The following ZFYVE9 variants were observed in gnomAD, a reference collection of about 807,000 sequenced individuals.
The protein encoded by ZFYVE9 is zinc finger FYVE domain-containing protein 9.
Under a neutral mutation model 126.7 loss-of-function variants are expected in ZFYVE9, and 43 were observed. The observed-to-expected ratio is 0.34, with a 90% CI of 0.27 to 0.44. ZFYVE9 has a LOEUF of 0.44. ZFYVE9 is among the 20% of genes least tolerant of loss of function. ZFYVE9 has a pLI of 1.00. For missense variants in ZFYVE9, 1,476 were observed against 1,697.0 expected, an observed-to-expected ratio of 0.87 and a Z score of 2.29; for synonymous variants, 521 against 597.4, an observed-to-expected ratio of 0.87 and a Z score of 1.87.
chr1:52,222,902 A>G (rs1209534557), intron 2 of ZFYVE9, among the ~76,000 whole-genome samples: 1 of 152,236 alleles, frequency 6.6e-6, no homozygotes, highest in Non-Finnish European at 1.5e-5. Flanking sequence ...GGGAATTAAT[A>G]AGAACTTAGT....
chr1:52,281,552 G>A, intron 9 of ZFYVE9, 109 bp from the exon 10 acceptor site: 2 of 1,237,420 alleles, frequency 1.6e-6, no homozygotes, highest in South Asian at 2.9e-5. Flanking sequence ...GACTCAGTGT[G>A]ATCTATTTTA....
At chr1:52,286,154 C>CT (rs1286797817) in intron 10 of ZFYVE9, among the ~76,000 whole-genome samples, 1 of 147,174 alleles carries the variant, frequency 6.8e-6, no homozygotes, top group Non-Finnish European at 1.5e-5. Flanking sequence ...GAGACTCTGT[C>CT]TCAAAAAAAA....
At chr1:52,318,462 A>G (rs1018033098) in intron 13 of ZFYVE9, among the ~76,000 whole-genome samples, 13 of 151,524 alleles carry the variant, frequency 8.6e-5, no homozygotes, top group African/African-American at 2.4e-4. Flanking sequence ...ATGATTATCT[A>G]TGAAAAATCT....
At chr1:52,316,165 CAAA>C (rs367815611) in intron 13 of ZFYVE9, among the ~76,000 whole-genome samples, 18 of 39,216 alleles carry the variant, frequency 4.6e-4, no homozygotes, top group African/African-American at 1.8e-3. Context: ...AACTCCATCT[CAAA>C]AAAAAAAAAA....
At chr1:52,342,470 C>T (rs1281860237) in intron 17 of ZFYVE9, among the ~76,000 whole-genome samples, 1 of 151,156 alleles carries the variant, frequency 6.6e-6, no homozygotes, top group South Asian at 2.1e-4. Context: ...TGAGGTTTCA[C>T]CGTGTTAGCC....
intron 1 of ZFYVE9, among the ~76,000 whole-genome samples, chr1:52,186,100 C>T (rs1382829852): frequency 6.6e-6 from 1 of 151,384 alleles, no homozygotes; most frequent in Non-Finnish European, 1.5e-5. Flanking sequence ...ATTAGCTGGG[C>T]TTGGTGGCAG....
intron 7 of ZFYVE9, among the ~76,000 whole-genome samples, chr1:52,271,791 C>G (rs1281585505): frequency 6.6e-6 from 1 of 152,056 alleles, no homozygotes. Context: ...AAACTTTGTC[C>G]TAAGTAGAGA....
intron 1 of ZFYVE9, among the ~76,000 whole-genome samples, chr1:52,158,525 GTAA>G (rs1557428807): frequency 6.6e-6 from 1 of 152,184 alleles, no homozygotes; most frequent in African/African-American, 2.4e-5. Flanking sequence ...CCATCTATCC[GTAA>G]CCTGTCTATC....
intron 4 of ZFYVE9, among the ~76,000 whole-genome samples, chr1:52,259,313 C>T (rs558700781): frequency 3.4e-4 from 52 of 152,044 alleles, no homozygotes; most frequent in Non-Finnish European, 1.5e-4. Context: ...CAAATAAGGT[C>T]ACATTCTAAG....
intron 2 of ZFYVE9, among the ~76,000 whole-genome samples, chr1:52,231,045 A>G (rs937307709): frequency 6.6e-6 from 1 of 152,346 alleles, no homozygotes; most frequent in East Asian, 1.9e-4. Context: ...TAATGACCAT[A>G]AAATGCTGTT....
At chr1:52,173,480 C>G (rs1644592396) in intron 1 of ZFYVE9, among the ~76,000 whole-genome samples, 1 of 152,204 alleles carries the variant, frequency 6.6e-6, no homozygotes, top group East Asian at 1.9e-4. Context: ...GGTTGTGTCT[C>G]TGCCCGGCTT....
chr1:52,174,759 T>C (rs1644608261), intron 1 of ZFYVE9, among the ~76,000 whole-genome samples: 1 of 152,200 alleles, frequency 6.6e-6, no homozygotes, highest in Non-Finnish European at 1.5e-5. Flanking sequence ...CATTATGTAA[T>C]GGCCTTCTTT....
chr1:52,142,362 AC>A lies in ZFYVE9; in HGVS notation c.-179del. The A allele has an allele frequency of 6.6e-6, 1 of 151,164 alleles. No individual in the cohort carries two copies. The highest frequency in any genetic ancestry group is 1.5e-5 in the Non-Finnish European group (1 of 67,770). The allele number at this position is 151,164 out of a possible 1,614,324, so 9.4% of individuals were successfully genotyped here. A position where few individuals can be genotyped will look rare whatever the true frequency, so the allele number is the denominator to read the frequency against. On this transcript the variant is annotated 5_prime_UTR_variant, in exon 1 of 19. An upstream open reading frame in the 5' UTR loses its in-frame stop. Coordinates refer to ENST00000287727, the MANE Select transcript of ZFYVE9 (RefSeq NM_004799.4). This position sits in a 1 kb window ranked among gnomAD's most constrained non-coding sequence, Gnocchi z 4.5. ...GGAGGAGGCTTTCGGCTCAGGGACG[AC>A]CCCCGTGGCCATGCTGAAGCGGAGG...
intron 1 of ZFYVE9, among the ~76,000 whole-genome samples, chr1:52,181,891 C>A (rs1275200593): frequency 6.6e-6 from 1 of 151,914 alleles, no homozygotes; most frequent in Non-Finnish European, 1.5e-5. Context: ...GCCCGGCAGC[C>A]ACCCCGTCTG....
At chr1:52,316,448 G>C (rs1646186226) in intron 13 of ZFYVE9, among the ~76,000 whole-genome samples, 1 of 147,904 alleles carries the variant, frequency 6.8e-6, no homozygotes. Context: ...TCACGCCACT[G>C]CACTCCAGCC....
At chr1:52,293,384 A>G (rs1645942576) in intron 10 of ZFYVE9, 69 bp from the exon 11 acceptor site, 1 of 1,240,804 alleles carries the variant, frequency 8.1e-7, no homozygotes, top group East Asian at 2.8e-5. Context: ...CTCAAAAAAA[A>G]AAAAAAAAAA....
At chr1:52,270,314 A>G (rs1487618588) in intron 7 of ZFYVE9, among the ~76,000 whole-genome samples, 1 of 152,106 alleles carries the variant, frequency 6.6e-6, no homozygotes, top group Non-Finnish European at 1.5e-5. Flanking sequence ...CCCAGGCTGG[A>G]GTGCAGTGGT....
chr1:52,346,594 T>A lies in ZFYVE9; in HGVS notation c.*373T>A. 1 of 397,384 alleles carries A rather than the reference T, an allele frequency of 2.5e-6. No homozygotes were observed. Among genetic ancestry groups the A allele is most frequent in the African/African-American group, 2.1e-5 (1 of 48,572 alleles). The allele number at this position is 397,384 out of a possible 1,614,324, so 24.6% of individuals were successfully genotyped here. ...AAATGGGTACAACCATCACCAAGGGTGGGATGGGAGGGCAGAGGGGAAATA... is the reference window on the plus strand; with the variant it reads ...AAATGGGTACAACCATCACCAAGGGAGGGATGGGAGGGCAGAGGGGAAATA... On this transcript the variant is annotated 3_prime_UTR_variant, in exon 19 of 19. Transcript: ENST00000287727.
chr1:52,341,084 G>C (rs1021205487), intron 17 of ZFYVE9, among the ~76,000 whole-genome samples: 1 of 152,188 alleles, frequency 6.6e-6, no homozygotes, highest in African/African-American at 2.4e-5. Flanking sequence ...GCCGGGCATG[G>C]TGGTGCATGC....
Sources: gnomAD v4.1 joint callset for allele counts (sites outside exome capture counted in the v4.1 genomes callset) on GRCh38, gnomAD v4.1.1 for gene constraint, Gnocchi (gnomAD v3.1) non-coding constraint, MANE v1.5 for transcripts, NCBI Gene and HGNC (gene_info 2026-07-23, HGNC 2026-07-21) for gene names.